CUL5: variants seen among roughly 807,000 people sequenced by gnomAD.
The protein encoded by CUL5 is cullin 5, also known as cullin-5.
CUL5 carries 26 observed loss-of-function variants against 108.8 expected under a neutral mutation model. That is an observed-to-expected ratio of 0.24 (90% CI 0.18 to 0.33). The LOEUF is 0.33. CUL5 is among the 10% of genes least tolerant of loss of function. The probability of loss-of-function intolerance (pLI) is 1.00; values close to 1 mark genes in which losing one functional copy is unlikely to be tolerated. For missense variants in CUL5, 524 were observed against 909.2 expected, an observed-to-expected ratio of 0.58 and a Z score of 5.45; for synonymous variants, 334 against 298.0, an observed-to-expected ratio of 1.12 and a Z score of -1.25.
chr11:108,052,978 T>C (rs994386446), intron 5 of CUL5, among the ~76,000 whole-genome samples, 177 bp downstream of exon 5: 1 of 152,206 alleles, frequency 6.6e-6, no homozygotes, highest in Non-Finnish European at 1.5e-5. Context: ...TGTATAAAAA[T>C]TCATATTAAT....
intron 2 of CUL5, among the ~76,000 whole-genome samples, chr11:108,034,592 G>C (rs542257704): frequency 6.6e-6 from 1 of 152,234 alleles, no homozygotes; most frequent in East Asian, 1.9e-4. Flanking sequence ...TGAATTAAAA[G>C]GACTCATGGC....
At chr11:108,039,077 A>G (rs949878226) in intron 2 of CUL5, among the ~76,000 whole-genome samples, 1 of 151,438 alleles carries the variant, frequency 6.6e-6, no homozygotes, top group Non-Finnish European at 1.5e-5. Flanking sequence ...CTGGAGTGCA[A>G]TGGCGCAATC....
chr11:108,085,755 G>A (rs1864205698), intron 11 of CUL5, among the ~76,000 whole-genome samples: 1 of 152,138 alleles, frequency 6.6e-6, no homozygotes, highest in Non-Finnish European at 1.5e-5. Context: ...CATCCATAGA[G>A]TAGACTAGAT....
At chr11:108,104,098 G>T in intron 18 of CUL5, 92 bp from the exon 19 acceptor site, 1 of 719,810 alleles carries the variant, frequency 1.4e-6, no homozygotes. Flanking sequence ...GTTGGATAGA[G>T]GATGAATATG....
chr11:108,099,908 T>A (rs1157008007), intron 18 of CUL5, among the ~76,000 whole-genome samples: 3 of 149,088 alleles, frequency 2.0e-5, no homozygotes, highest in African/African-American at 7.3e-5. Flanking sequence ...AAAAAAAAAT[T>A]TTTTTTTTTT....
At chr11:108,044,618 G>A (rs779721613) in intron 2 of CUL5, among the ~76,000 whole-genome samples, 31 of 151,940 alleles carry the variant, frequency 2.0e-4, no homozygotes, top group South Asian at 4.1e-4. Flanking sequence ...GCTCCATTAT[G>A]AATTGAATGA....
intron 1 of CUL5, among the ~76,000 whole-genome samples, chr11:108,011,298 G>A (rs1439805917): frequency 2.0e-5 from 3 of 152,100 alleles, no homozygotes; most frequent in African/African-American, 4.8e-5. Context: ...AGCTATTTTG[G>A]TTCATATTAG....
chr11:108,093,735 G>C (rs1349041919), intron 13 of CUL5, among the ~76,000 whole-genome samples: 1 of 152,140 alleles, frequency 6.6e-6, no homozygotes, highest in East Asian at 1.9e-4. Context: ...TCAAGCAACA[G>C]GATCTTCTGT....
At chr11:108,075,249 G>T (rs76185198) in intron 10 of CUL5, among the ~76,000 whole-genome samples, 17,019 of 151,782 alleles carry the variant, frequency 0.11, 973 homozygotes, top group South Asian at 0.13. Flanking sequence ...CGATAGCGTG[G>T]CGTATTAGTA....
At chr11:108,074,004 A>T (rs953445699) in intron 10 of CUL5, 1 of 152,328 alleles carries the variant, frequency 6.6e-6, no homozygotes, top group African/African-American at 2.4e-5. Flanking sequence ...GATAATGATA[A>T]TAAAACACCA....
At chr11:108,072,877 T>C (rs1863858611) in intron 9 of CUL5, among the ~76,000 whole-genome samples, 6 of 152,104 alleles carry the variant, frequency 3.9e-5, no homozygotes, top group Admixed American at 3.9e-4. Context: ...GAATTGAAAA[T>C]TGAAAATAGT....
chr11:108,064,639 G>A (rs1237258730), intron 7 of CUL5, among the ~76,000 whole-genome samples: 1 of 152,174 alleles, frequency 6.6e-6, no homozygotes, highest in Non-Finnish European at 1.5e-5. Context: ...GAACTTGGGA[G>A]GTGGAGCTTG....
At chr11:108,094,050 G>T (rs1038167490) in intron 13 of CUL5, among the ~76,000 whole-genome samples, 1 of 152,146 alleles carries the variant, frequency 6.6e-6, no homozygotes, top group African/African-American at 2.4e-5. Flanking sequence ...ATGATTTGTG[G>T]ATCAAAGAGC....
intron 7 of CUL5, among the ~76,000 whole-genome samples, chr11:108,067,628 C>T (rs1299145416): frequency 1.3e-5 from 2 of 151,832 alleles, no homozygotes; most frequent in Non-Finnish European, 2.9e-5. Flanking sequence ...TTTTTAGAAT[C>T]TGCAAAATTT....
At chr11:108,015,001 C>T (rs1013913594) in intron 1 of CUL5, among the ~76,000 whole-genome samples, 1 of 152,168 alleles carries the variant, frequency 6.6e-6, no homozygotes, top group African/African-American at 2.4e-5. Context: ...TGGGTTCAAG[C>T]AATTCTCCTT....
intron 3 of CUL5, among the ~76,000 whole-genome samples, chr11:108,048,319 TTTTA>T (rs1863116806): frequency 6.6e-6 from 1 of 152,030 alleles, no homozygotes; most frequent in African/African-American, 2.4e-5. Flanking sequence ...AACACAACTG[TTTTA>T]TTTGTTCACA....
intron 1 of CUL5, among the ~76,000 whole-genome samples, chr11:108,026,808 G>A (rs1394264030): frequency 6.6e-6 from 1 of 151,886 alleles, no homozygotes; most frequent in Non-Finnish European, 1.5e-5. Flanking sequence ...GGCCAATGTG[G>A]CGAAACCCCA....
chr11:108,055,437 A>G (rs1479747686), intron 7 of CUL5, among the ~76,000 whole-genome samples: 2 of 152,016 alleles, frequency 1.3e-5, no homozygotes, highest in African/African-American at 2.4e-5. Context: ...TTCATTTGTC[A>G]TGAGGTAAAA....
At chr11:108,037,165 C>G (rs1229897083) in intron 2 of CUL5, among the ~76,000 whole-genome samples, 1 of 151,330 alleles carries the variant, frequency 6.6e-6, no homozygotes, top group Non-Finnish European at 1.5e-5. Context: ...TTTTTTCTCT[C>G]TTCACTTTAG....
Sources: allele counts gnomAD v4.1 joint callset (sites outside exome capture counted in the v4.1 genomes callset), GRCh38; gene constraint gnomAD v4.1.1; transcripts MANE v1.5; gene names NCBI Gene and HGNC (gene_info 2026-07-23, HGNC 2026-07-21).